The following ZNF292 variants were observed in gnomAD, a reference collection of about 807,000 sequenced individuals.
ZNF292 encodes 16 zinc-finger domain protein.
In ZNF292, 26 loss-of-function variants were observed where a neutral mutation model predicts 217.9. That is an observed-to-expected ratio of 0.12 (90% CI 0.09 to 0.17). The LOEUF is 0.17. Among genes scored for constraint, ZNF292 ranks in the 10% least tolerant of loss-of-function variants. The pLI is 1.00. For missense variants in ZNF292, 2,904 were observed against 3,175.2 expected (o/e 0.91, Z 2.05); for synonymous variants, 1,257 against 1,124.1 (o/e 1.12, Z -2.37).
Position 87,256,801 on chromosome 6 carries a change from T to C in ZNF292, c.3172T>C (p.Ser1058Pro), listed in dbSNP as rs770218642. 3 of 1,613,390 alleles carry C rather than the reference T, an allele frequency of 1.9e-6. No individual in the cohort carries two copies. The highest frequency in any genetic ancestry group is 2.2e-5 in the South Asian group (2 of 91,078). The change falls in exon 8 of 8, where the codon TCC becomes CCC. Residue 1058 changes from serine (S) to proline (P), a missense_variant. Coordinates refer to ENST00000369577, the MANE Select transcript of ZNF292 (RefSeq NM_015021.3). ...FECGDNVKTSSNLYNLPLKTL... is the reference protein window; with the variant it reads ...FECGDNVKTSPNLYNLPLKTL... ...ATGTGGAGATAATGTTAAAACATCA[T>C]CCAATCTTTATAATTTACCTCTTAA...
In ZNF292 at chr6:87,260,015, A is replaced by G; in HGVS notation, c.6386A>G (p.Gln2129Arg). 1.2e-6 allele frequency: 2 copies of G among 1,613,620 alleles called. No homozygotes were observed. Among genetic ancestry groups the G allele is most frequent in the Non-Finnish European group, 1.7e-6 (2 of 1,179,664 alleles). ...QGCFAAFTIQ[Q>R]NLILHYQAVH... ...TGCTTTGCTGCCTTTACGATACAGC[A>G]AAACTTGATTCTCCATTACCAGGCT... Residue 2129 changes from glutamine to arginine, a missense_variant, in exon 8 of 8, where the codon CAA becomes CGA. Gln to Arg is a conservative substitution (Grantham distance 43, BLOSUM62 1). Coordinates refer to ENST00000369577, the MANE Select transcript of ZNF292 (RefSeq NM_015021.3).
At chr6:87,227,859 G>T (rs994382313) in intron 4 of ZNF292, among the ~76,000 whole-genome samples, 1 of 152,092 alleles carries the variant, frequency 6.6e-6, no homozygotes, top group Non-Finnish European at 1.5e-5. Flanking sequence ...TGGACATTTG[G>T]ATTGCTTCCA....
At chr6:87,220,087 A>G (rs922309248) in intron 4 of ZNF292, among the ~76,000 whole-genome samples, 14 of 152,084 alleles carry the variant, frequency 9.2e-5, no homozygotes, top group Admixed American at 5.2e-4. Flanking sequence ...TCAGCCTTTC[A>G]TAGTGTTAGG....
chr6:87,254,414 A>T (rs555386120), intron 7 of ZNF292, among the ~76,000 whole-genome samples: 1 of 152,336 alleles, frequency 6.6e-6, no homozygotes, highest in South Asian at 2.1e-4. Context: ...TAGCCATTAA[A>T]TAATTCCATA....
Position 87,155,683 on chromosome 6 carries a change from A to C in ZNF292, c.92A>C (p.Glu31Ala), listed in dbSNP as rs1770501926. The change falls in exon 1 of 8, where the codon GAG becomes GCG. Residue 31 changes from glutamate (E) to alanine (A), a missense_variant. Physicochemically the swap from Glu to Ala is moderately radical, Grantham distance 107 (BLOSUM62 -1). Coordinates refer to ENST00000369577, the MANE Select transcript of ZNF292 (RefSeq NM_015021.3). ...CAGCGCCTGGGCGAGCGGCTCCAGG[A>C]GCTGGAGCTACAGCTGCGGGAGAGC... ...ELQRLGERLQ[E>A]LELQLRESRV... 1 of 1,589,494 alleles carries C rather than the reference A, an allele frequency of 6.3e-7. No individual in the cohort carries two copies. Among genetic ancestry groups the C allele is most frequent in the African/African-American group, 1.3e-5 (1 of 74,532 alleles).
At position 87,256,896 on chromosome 6, in the gene ZNF292, G is replaced by C. The variant is rs1221594609; in HGVS notation, c.3267G>C (p.Val1089=). ...DLSNSLGTPS[V]PPKAPVQKFS... ...GTAATTCATTAGGAACTCCATCAGT[G>C]CCTCCAAAAGCTCCAGTTCAGAAAT... Residue 1089 remains valine, a synonymous_variant, in exon 8 of 8, where the codon GTG becomes GTC. Transcript: ENST00000369577. 6.2e-7 allele frequency: 1 copy of C among 1,613,662 alleles called. No individual in the cohort carries two copies. The highest frequency in any genetic ancestry group is 1.7e-5 in the Admixed American group (1 of 59,952).
intron 1 of ZNF292, among the ~76,000 whole-genome samples, chr6:87,209,761 A>C (rs924438348): frequency 6.6e-6 from 1 of 152,238 alleles, no homozygotes; most frequent in Non-Finnish European, 1.5e-5. Flanking sequence ...TTGTTATTTT[A>C]AACTTGTTTA....
intron 4 of ZNF292, among the ~76,000 whole-genome samples, chr6:87,220,720 C>G (rs2127808074): frequency 6.6e-6 from 1 of 152,322 alleles, no homozygotes; most frequent in African/African-American, 2.4e-5. Context: ...TTTGAATGTG[C>G]CTAACATTGT....
Position 87,260,158 on chromosome 6 carries a change from A to G in ZNF292, c.6529A>G (p.Ser2177Gly), listed in dbSNP as rs1453571958. 3.7e-6 allele frequency: 6 copies of G among 1,613,010 alleles called. No homozygotes were observed. In the Admixed American group the frequency reaches 5.0e-5, roughly 13 times the overall value. Residue 2177 changes from serine to glycine, a missense_variant, in exon 8 of 8, where the codon AGT becomes GGT. Transcript: ENST00000369577. ...TTTGAAAGAATTTCGATGTCAGGTA[A>G]GTGACTGTTCTCGAATTTTCCAAGC... ...QTLKEFRCQV[S>G]DCSRIFQAIT...
intron 4 of ZNF292, among the ~76,000 whole-genome samples, chr6:87,229,031 G>T (rs1001034133): frequency 6.6e-6 from 1 of 152,022 alleles, no homozygotes; most frequent in Non-Finnish European, 1.5e-5. Context: ...ATAATATTAA[G>T]TCTTATCATC....
chr6:87,186,577 G>C (rs755589556), intron 1 of ZNF292, among the ~76,000 whole-genome samples: 14 of 152,188 alleles, frequency 9.2e-5, no homozygotes, highest in Middle Eastern at 3.2e-3. Context: ...ATTTCAGGTA[G>C]ATAATAAGTA....
At chr6:87,203,850 T>C (rs182776428) in intron 1 of ZNF292, among the ~76,000 whole-genome samples, 28 of 152,108 alleles carry the variant, frequency 1.8e-4, no homozygotes, top group Non-Finnish European at 3.2e-4. Context: ...CAGCCTGGCA[T>C]AGTATGTGAG....
intron 1 of ZNF292, among the ~76,000 whole-genome samples, chr6:87,166,320 C>T (rs562603547): frequency 6.6e-6 from 1 of 152,274 alleles, no homozygotes; most frequent in Non-Finnish European, 1.5e-5. Flanking sequence ...TGCAGTGTTA[C>T]AATAGTGGAA....
intron 1 of ZNF292, among the ~76,000 whole-genome samples, chr6:87,166,513 A>G (rs1008857483): frequency 6.6e-6 from 1 of 152,198 alleles, no homozygotes; most frequent in Non-Finnish European, 1.5e-5. Context: ...CAAGGAAGAC[A>G]TCATAAACAA....
chr6:87,201,263 G>A (rs919611260), intron 1 of ZNF292, among the ~76,000 whole-genome samples: 4 of 152,086 alleles, frequency 2.6e-5, no homozygotes, highest in Admixed American at 6.5e-5. Context: ...GGGTTTTGTT[G>A]AACAGAAGTT....
chr6:87,182,828 A>G (rs1246470274), intron 1 of ZNF292, among the ~76,000 whole-genome samples: 1 of 152,228 alleles, frequency 6.6e-6, no homozygotes, highest in Non-Finnish European at 1.5e-5. Flanking sequence ...TTTTTAATAA[A>G]TCAGTAAAAC....
chr6:87,193,354 G>A (rs566970719), intron 1 of ZNF292, among the ~76,000 whole-genome samples: 66 of 152,156 alleles, frequency 4.3e-4, no homozygotes, highest in African/African-American at 1.5e-3. Context: ...AGACCAGCCT[G>A]GGGAATATGA....
intron 1 of ZNF292, among the ~76,000 whole-genome samples, chr6:87,169,415 G>T (rs1231034466): frequency 6.6e-6 from 1 of 152,034 alleles, no homozygotes; most frequent in East Asian, 1.9e-4. Context: ...GATACTGAAG[G>T]CCCCCTGTAA....
chr6:87,169,970 T>C (rs1458277554), intron 1 of ZNF292: 1 of 156,336 alleles, frequency 6.4e-6, no homozygotes, highest in Non-Finnish European at 1.4e-5. Context: ...ATACTCAAAA[T>C]AGTTTACATT....
Sources: allele counts gnomAD v4.1 joint callset (sites outside exome capture counted in the v4.1 genomes callset), GRCh38; gene constraint gnomAD v4.1.1; transcripts MANE v1.5; gene names NCBI Gene and HGNC (gene_info 2026-07-23, HGNC 2026-07-21).